SUN1: variants seen among roughly 807,000 people sequenced by gnomAD.
SUN1 encodes the protein SUN domain-containing protein 1.
A neutral mutation model predicts 103.2 loss-of-function variants in SUN1; 61 were observed. That is an observed-to-expected ratio of 0.59 (90% confidence interval 0.48 to 0.73). The LOEUF (loss-of-function observed/expected upper bound fraction) is 0.73, where lower values mean the gene tolerates loss of function less well. SUN1 is among the 30% of genes least tolerant of loss of function. The pLI is 0.00. For synonymous variants in SUN1, 490 were observed against 425.7 expected (o/e 1.15, Z -1.86); for missense variants, 1,052 against 1,034.6 (o/e 1.02, Z -0.23).
At chr7:829,548 G>GGT (rs1795953196), upstream of SUN1, among the ~76,000 whole-genome samples, 1 of 143,828 alleles carries the variant, frequency 7.0e-6, no homozygotes, top group East Asian at 2.1e-4. Context: ...AAAATAACTG[G>GGT]TTTTTTTTTT....
intron 16 of SUN1, among the ~76,000 whole-genome samples, chr7:866,348 A>G (rs1836553086): frequency 1.3e-5 from 2 of 152,054 alleles, no homozygotes; most frequent in African/African-American, 4.8e-5. Context: ...TGGGTGTTCC[A>G]GCCATGGTGT....
intron 1 of SUN1, among the ~76,000 whole-genome samples, chr7:836,401 G>C (rs763221987): frequency 2.0e-5 from 3 of 152,214 alleles, no homozygotes; most frequent in Non-Finnish European, 4.4e-5. Context: ...GCTCATGGAG[G>C]CTGGCAAGGC....
chr7:860,914 G>A (rs1405943614), intron 14 of SUN1, among the ~76,000 whole-genome samples: 3 of 152,090 alleles, frequency 2.0e-5, no homozygotes, highest in Non-Finnish European at 4.4e-5. Flanking sequence ...AACAGCACGG[G>A]AGAAACCCCC....
At chr7:823,597 C>T (rs1197051244) in intron 1 of SUN1, among the ~76,000 whole-genome samples, 1 of 152,158 alleles carries the variant, frequency 6.6e-6, no homozygotes, top group African/African-American at 2.4e-5. Context: ...GGAGAAGTAG[C>T]AGCATTTGCA....
At chr7:853,280 G>T in intron 9 of SUN1, 129 bp from the exon 10 acceptor site, 1 of 1,062,926 alleles carries the variant, frequency 9.4e-7, no homozygotes, top group East Asian at 2.5e-5. Flanking sequence ...GGTTTCTGTG[G>T]ATTCCTCCAT....
chr7:864,895 C>G (rs1480147249), intron 15 of SUN1, among the ~76,000 whole-genome samples: 1 of 151,992 alleles, frequency 6.6e-6, no homozygotes, highest in African/African-American at 2.4e-5. Context: ...TCCCAAAGTA[C>G]TGGGATTACA....
Position 860,259 on chromosome 7 carries a change from A to C in SUN1, c.1656A>C (p.Arg552=), listed in dbSNP as rs1489806065. 4 of 1,614,138 alleles carry C rather than the reference A, an allele frequency of 2.5e-6. No individual in the cohort carries two copies. The African/African-American group carries it at 5.3e-5, about 22-fold the overall frequency. ...VSKGDLQTML[R]DLQLQILRNV... ...AAGGCGACTTGCAGACGATGCTGCG[A>C]GACCTGCAGCTGCAGATCCTGCGGA... Residue 552 remains arginine, a synonymous_variant, in exon 14 of 19, where the codon CGA becomes CGC. Transcript: ENST00000401592.
chr7:817,103 C>T (rs902788576), intron 1 of SUN1, among the ~76,000 whole-genome samples: 2 of 151,856 alleles, frequency 1.3e-5, no homozygotes, highest in Admixed American at 6.5e-5. Context: ...GAAGTAGCGG[C>T]GGGGCCGTGG....
intron 5 of SUN1, 48 bp from the exon 6 acceptor site, chr7:851,336 G>T: frequency 6.6e-7 from 1 of 1,513,702 alleles, no homozygotes; most frequent in South Asian, 1.2e-5. Flanking sequence ...CACTGCAGAG[G>T]CTGGTCCCTG....
chr7:857,967 C>G lies in SUN1; in HGVS notation c.1524+10C>G. ...TGCCGTACAAGAAAGAGTGAGCTTT[C>G]TGCATGTTTACTTTTTGTTTTATAA... On this transcript the variant is annotated intron_variant, in intron 13 of 18. Coordinates refer to ENST00000401592, the MANE Select transcript of SUN1 (RefSeq NM_001130965.3). 6.5e-7 allele frequency: 1 copy of G among 1,543,752 alleles called. No homozygotes were observed. Among genetic ancestry groups the G allele is most frequent in the African/African-American group, 1.4e-5 (1 of 72,698 alleles).
intron 13 of SUN1, 79 bp downstream of exon 13, chr7:858,036 G>C (rs1380832632): frequency 4.9e-6 from 7 of 1,426,480 alleles, no homozygotes; most frequent in Non-Finnish European, 6.5e-6. Flanking sequence ...AGGTTTATTA[G>C]CTGTTTAATT....
chr7:831,013 C>T (rs1797442984), upstream of SUN1: 1 of 985,434 alleles, frequency 1.0e-6, no homozygotes, highest in African/African-American at 1.7e-5. Flanking sequence ...AAGGCCCTGT[C>T]CTGTGCCGGG....
chr7:830,924 G>A (rs1797359553), upstream of SUN1: 1 of 984,946 alleles, frequency 1.0e-6, no homozygotes, highest in Non-Finnish European at 1.2e-6. Flanking sequence ...TTCTGCAGAA[G>A]CTGCCAGAGC....
chr7:864,625 T>A (rs1834926985), intron 15 of SUN1, among the ~76,000 whole-genome samples: 1 of 151,464 alleles, frequency 6.6e-6, no homozygotes, highest in Non-Finnish European at 1.5e-5. Flanking sequence ...ATGGTAGGTC[T>A]TATGCATTCA....
intron 5 of SUN1, among the ~76,000 whole-genome samples, chr7:846,046 C>G (rs1349730327): frequency 6.6e-6 from 1 of 152,084 alleles, no homozygotes; most frequent in Non-Finnish European, 1.5e-5. Flanking sequence ...TTTAGCATCT[C>G]TTTTCATTTT....
intron 10 of SUN1, among the ~76,000 whole-genome samples, chr7:853,981 G>C (rs2128404787): frequency 6.6e-6 from 1 of 152,202 alleles, no homozygotes; most frequent in East Asian, 1.9e-4. Context: ...CAGCCGCTGA[G>C]ATGGACACAA....
At chr7:842,216 GT>G in intron 3 of SUN1, 86 bp downstream of exon 3, 1 of 1,473,318 alleles carries the variant, frequency 6.8e-7, no homozygotes, top group South Asian at 1.3e-5. Context: ...CGGTGGCCAG[GT>G]TGTCGGTTTG....
chr7:851,096 G>GC (rs1821652665), intron 5 of SUN1: 1 of 232,532 alleles, frequency 4.3e-6, no homozygotes, highest in South Asian at 9.1e-5. Context: ...TCCAACCTCC[G>GC]CCCCCTGGGG....
At chr7:867,530 A>G (rs1837975318) in intron 16 of SUN1, among the ~76,000 whole-genome samples, 1 of 152,082 alleles carries the variant, frequency 6.6e-6, no homozygotes, top group African/African-American at 2.4e-5. Context: ...TGGTGGTGAG[A>G]GCACAGCATG....
Sources: allele counts gnomAD v4.1 joint callset (sites outside exome capture counted in the v4.1 genomes callset), GRCh38; gene constraint gnomAD v4.1.1; transcripts MANE v1.5; gene names NCBI Gene and HGNC (gene_info 2026-07-23, HGNC 2026-07-21).